STAT3: variants seen among roughly 807,000 people sequenced by gnomAD.
The protein encoded by STAT3 is DNA-binding protein APRF.
A neutral mutation model predicts 114.3 loss-of-function variants in STAT3; 7 were observed. The observed-to-expected ratio is 0.06, with a 90% CI of 0.03 to 0.11. The LOEUF is 0.11. STAT3 is among the 10% of genes least tolerant of loss of function. The pLI is 1.00. For missense variants in STAT3, 364 were observed against 960.9 expected, an observed-to-expected ratio of 0.38 and a Z score of 8.21; for synonymous variants, 331 against 354.5, an observed-to-expected ratio of 0.93 and a Z score of 0.74.
In STAT3 at chr17:42,323,615, C is replaced by G. The variant is rs1313244724; in HGVS notation, c.1611G>C (p.Val537=). ...TLAEKLLGPG[V]NYSGCQITWA... ...ATGTGATCTGACACCCTGAATAATT[C>G]ACACCAGGTCCTGAAGGAAAGAAAA... Residue 537 remains valine (V), a synonymous_variant, in exon 18 of 24, where the codon GTG becomes GTC. Transcript: ENST00000264657. The G allele has an allele frequency of 6.2e-7, 1 of 1,600,450 alleles. No individual in the cohort carries two copies. The highest frequency in any genetic ancestry group is 1.7e-5 in the Admixed American group (1 of 59,672).
chr17:42,345,954 G>A (rs1165313459), intron 3 of STAT3, among the ~76,000 whole-genome samples: 2 of 150,070 alleles, frequency 1.3e-5, no homozygotes, highest in East Asian at 3.9e-4. Flanking sequence ...GCTTATTGCA[G>A]CTTCGACCTC....
chr17:42,367,534 C>G (rs71377277), intron 1 of STAT3, among the ~76,000 whole-genome samples: 1 of 152,042 alleles, frequency 6.6e-6, no homozygotes, highest in Non-Finnish European at 1.5e-5. Context: ...TTGCCCGTTT[C>G]TGCCCTAGGA....
Position 42,313,379 on chromosome 17 carries a change from CA to C in STAT3, c.*2365del, listed in dbSNP as rs397857989. On this transcript the variant is annotated 3_prime_UTR_variant, in exon 24 of 24. Transcript: ENST00000264657. ...AGTTAAAGTAGATACAGCAATATAC[CA>C]AAAAAAAAAAAAAAAAAAAAAGACA... is the stretch of plus-strand genomic sequence containing the variant. The C allele has an allele frequency of 0.26, 22,148 of 85,958 alleles. 829 individuals carry two copies. Among genetic ancestry groups the C allele is most frequent in the Middle Eastern group, 0.32 (77 of 242 alleles). 5.3% of individuals were successfully genotyped at this position (85,958 alleles called of 1,614,324 possible).
intron 4 of STAT3, among the ~76,000 whole-genome samples, chr17:42,340,789 T>C (rs1343298083): frequency 6.6e-6 from 1 of 152,160 alleles, no homozygotes; most frequent in Non-Finnish European, 1.5e-5. Flanking sequence ...AAAGACTCTG[T>C]GTACACACAG....
chr17:42,364,531 T>G (rs1324093310), intron 1 of STAT3, among the ~76,000 whole-genome samples: 1 of 152,154 alleles, frequency 6.6e-6, no homozygotes, highest in Non-Finnish European at 1.5e-5. Context: ...ATGTAAGTCA[T>G]TAATATTCAT....
At chr17:42,372,232 G>C (rs2084190223) in intron 1 of STAT3, among the ~76,000 whole-genome samples, 1 of 152,162 alleles carries the variant, frequency 6.6e-6, no homozygotes, top group African/African-American at 2.4e-5. Context: ...TCCAGAGGAG[G>C]TGAAAAGTCC....
chr17:42,314,851 CT>C lies in STAT3; in HGVS notation c.*893del, dbSNP rs754306251. On this transcript the variant is annotated 3_prime_UTR_variant, in exon 24 of 24. Transcript: ENST00000264657. ...CCAAGGAGGCTGTTAACTGAAGTTT[CT>C]TTTTTTTTTTTTTTTTTTTGAGACA... 0.035 allele frequency: 4,953 copies of C among 140,248 alleles called. 8 individuals carry two copies. Among genetic ancestry groups the C allele is most frequent in the East Asian group, 0.12 (1,006 of 8,512 alleles). 8.7% of individuals were successfully genotyped at this position (140,248 alleles called of 1,614,324 possible).
chr17:42,359,321 T>C (rs188671753), intron 1 of STAT3, among the ~76,000 whole-genome samples: 1 of 152,268 alleles, frequency 6.6e-6, no homozygotes, highest in African/African-American at 2.4e-5. Context: ...AGTGTGATAA[T>C]CACTAATCAG....
chr17:42,330,813 T>C (rs1567715434), intron 11 of STAT3, among the ~76,000 whole-genome samples: 3 of 152,186 alleles, frequency 2.0e-5, no homozygotes, highest in African/African-American at 4.8e-5. Flanking sequence ...TATTCCATTA[T>C]ATGGTAAAGT....
intron 1 of STAT3, among the ~76,000 whole-genome samples, chr17:42,353,513 T>A (rs116720528): frequency 0.014 from 2,056 of 151,984 alleles, 39 homozygotes; most frequent in African/African-American, 0.047. Context: ...TAAAAAAAAA[T>A]GATTTAAAAA....
chr17:42,317,586 G>A (rs931142972), intron 21 of STAT3: 4 of 346,582 alleles, frequency 1.2e-5, no homozygotes, highest in African/African-American at 8.4e-5. Flanking sequence ...ATTCCGGCCT[G>A]GTCATATCTC....
chr17:42,350,050 T>C (rs2082869605), intron 1 of STAT3, among the ~76,000 whole-genome samples: 1 of 135,618 alleles, frequency 7.4e-6, no homozygotes, highest in Admixed American at 7.1e-5. Flanking sequence ...AGCAAAACTC[T>C]GTCTCCAAAA....
chr17:42,319,782 C>A (rs2081397003), intron 21 of STAT3, among the ~76,000 whole-genome samples: 1 of 152,064 alleles, frequency 6.6e-6, no homozygotes, highest in Non-Finnish European at 1.5e-5. Flanking sequence ...AGGAAATGGT[C>A]ACATGCTCAT....
At chr17:42,381,346 CA>C (rs1289095931) in intron 1 of STAT3, among the ~76,000 whole-genome samples, 2 of 152,082 alleles carry the variant, frequency 1.3e-5, no homozygotes, top group Admixed American at 1.3e-4. Flanking sequence ...CTGGGGGTAG[CA>C]GGAAGGAAAG....
rs374063766 is a variant in STAT3 at position 42,337,814 on chromosome 17, C to G, written c.594G>C (p.Gln198His). The change falls in exon 7 of 24, where the codon CAG (glutamine) becomes CAC (histidine). Residue 198 changes from glutamine to histidine, a missense_variant. Around this residue, in one of 5 missense-constraint regions of STAT3, gnomAD observed 294 missense variants for 745.1 expected, o/e 0.39. Coordinates refer to ENST00000264657, the MANE Select transcript of STAT3 (RefSeq NM_139276.3). This position sits in a 1 kb window ranked among gnomAD's most constrained non-coding sequence, Gnocchi z 4.0. Reference protein sequence around the residue: ...LNGNNQSVTRQKMQQLEQMLT... With the variant: ...LNGNNQSVTRHKMQQLEQMLT... ...GCATCTGTTCCAGCTGCTGCATCTT[C>G]TGCCTGGTCACTGACTGGTTGTTTC... is the stretch of plus-strand genomic sequence containing the variant. 1.1e-5 allele frequency: 17 copies of G among 1,614,122 alleles called. No individual in the cohort carries two copies. The highest frequency in any genetic ancestry group is 1.4e-5 in the Non-Finnish European group (17 of 1,180,062).
At chr17:42,319,541 C>CAA (rs552897255) in intron 21 of STAT3, among the ~76,000 whole-genome samples, 726 of 43,842 alleles carry the variant, frequency 0.017, 129 homozygotes, top group African/African-American at 0.072. Context: ...GACTCAGGCT[C>CAA]AAAAAAAAAA....
At chr17:42,340,171 G>A (rs552669562) in intron 4 of STAT3, among the ~76,000 whole-genome samples, 13 of 151,902 alleles carry the variant, frequency 8.6e-5, no homozygotes, top group South Asian at 2.1e-4. Flanking sequence ...CAGCCTGACC[G>A]ACACGGAGAA....
chr17:42,378,663 ATATT>A (rs958094135), intron 1 of STAT3, among the ~76,000 whole-genome samples: 1 of 152,240 alleles, frequency 6.6e-6, no homozygotes, highest in Admixed American at 6.5e-5. Flanking sequence ...CTGAGATGAA[ATATT>A]TATTATGTCT....
At chr17:42,380,487 C>A (rs185860162) in intron 1 of STAT3, among the ~76,000 whole-genome samples, 1 of 152,020 alleles carries the variant, frequency 6.6e-6, no homozygotes, top group Admixed American at 6.6e-5. Context: ...CGGGTTCAAG[C>A]GATTATCCTG....
Sources: allele counts gnomAD v4.1 joint callset (sites outside exome capture counted in the v4.1 genomes callset), GRCh38; gene constraint gnomAD v4.1.1; regional missense constraint gnomAD v4.1.1; non-coding constraint Gnocchi (gnomAD v3.1); transcripts MANE v1.5; gene names NCBI Gene and HGNC (gene_info 2026-07-23, HGNC 2026-07-21).